Variants in PAK2 observed in about 807,000 individuals in gnomAD.
PAK2 encodes the protein p21 (RAC1) activated kinase 2, also known as serine/threonine-protein kinase PAK 2.
PAK2 carries 21 observed loss-of-function variants against 65.9 expected under a neutral mutation model. The observed-to-expected ratio is 0.32, with a 90% CI of 0.23 to 0.46. The LOEUF (loss-of-function observed/expected upper bound fraction) is 0.46. Among genes scored for constraint, PAK2 ranks in the 20% least tolerant of loss-of-function variants. The probability of loss-of-function intolerance (pLI) is 1.00; values close to 1 mark genes in which losing one functional copy is unlikely to be tolerated. For synonymous variants in PAK2, 204 were observed against 219.7 expected, an observed-to-expected ratio of 0.93 and a Z score of 0.63; for missense variants, 324 against 642.6, an observed-to-expected ratio of 0.50 and a Z score of 5.36.
intron 7 of PAK2, among the ~76,000 whole-genome samples, chr3:196,808,866 A>G (rs181176394): frequency 6.6e-6 from 1 of 152,144 alleles, no homozygotes; most frequent in East Asian, 1.9e-4. Context: ...GTCTCAAAAA[A>G]TAATAATAAA....
intron 1 of PAK2, among the ~76,000 whole-genome samples, chr3:196,750,390 G>C (rs897404101): frequency 6.6e-6 from 1 of 151,940 alleles, no homozygotes; most frequent in African/African-American, 2.4e-5. Context: ...CTAAGTCTGT[G>C]GTTTAAGTTC....
chr3:196,793,372 C>G (rs1406741655), intron 2 of PAK2, among the ~76,000 whole-genome samples: 1 of 152,122 alleles, frequency 6.6e-6, no homozygotes, highest in East Asian at 1.9e-4. Flanking sequence ...CTCACAGCCT[C>G]AGACAGGAGA....
intron 1 of PAK2, among the ~76,000 whole-genome samples, chr3:196,775,320 TGAGTATGTACAGAACATAA>T (rs1577713511): frequency 6.6e-6 from 1 of 152,214 alleles, no homozygotes; most frequent in East Asian, 1.9e-4. Context: ...TCTATTAGAC[TGAGTATGTACAGAACATAA>T]GTTACTGCAT....
Position 196,803,249 on chromosome 3 carries a change from C to T in PAK2, c.436+85C>T, listed in dbSNP as rs1357513325. On this transcript the variant is annotated intron_variant, in intron 4 of 14. Transcript: ENST00000327134. The stretch of plus-strand genomic sequence containing the variant: ...AGATTACTCCTGGAAAAATGAAAAG[C>T]TAAACTATGGTTCTTGTTGATAACG... 4.5e-6 allele frequency: 5 copies of T among 1,103,818 alleles called. No individual in the cohort carries two copies. The African/African-American group carries it at 8.0e-5, about 18-fold the overall frequency. The allele number at this position is 1,103,818 out of a possible 1,614,324, so 68.4% of individuals were successfully genotyped here.
chr3:196,809,801 T>C (rs1444782521), intron 7 of PAK2, among the ~76,000 whole-genome samples: 1 of 152,082 alleles, frequency 6.6e-6, no homozygotes, highest in African/African-American at 2.4e-5. Flanking sequence ...TGAGGTTGGG[T>C]ACCTACATAA....
rs777122366 is a variant in PAK2, at chr3:196,759,857, GTTA to G, written c.-22+19702_-22+19704del. Among the ~76,000 whole-genome samples the G allele has an allele frequency of 3.3e-5, 5 of 151,968 alleles. No individual in the cohort carries two copies. In the East Asian group the frequency reaches 5.8e-4, roughly 18 times the overall value. On this transcript the variant is annotated intron_variant, in intron 1 of 14. Coordinates refer to ENST00000327134, the MANE Select transcript of PAK2 (RefSeq NM_002577.4). ...TGGGTTTTTTAAGTGTGCTCACAAA[GTTA>G]TACAGCCGTCCCCACTATCTAATTA...
chr3:196,778,271 C>G (rs560215051), intron 1 of PAK2, among the ~76,000 whole-genome samples: 32 of 152,138 alleles, frequency 2.1e-4, no homozygotes, highest in Non-Finnish European at 3.8e-4. Flanking sequence ...GGATACACCA[C>G]GTTTTGTGTA....
chr3:196,803,516 T>C (rs1361213400), intron 4 of PAK2, among the ~76,000 whole-genome samples: 1 of 152,190 alleles, frequency 6.6e-6, no homozygotes, highest in Non-Finnish European at 1.5e-5. Flanking sequence ...TTGATAGACA[T>C]GTTCATACTA....
intron 2 of PAK2, among the ~76,000 whole-genome samples, chr3:196,783,759 C>A (rs1374356655): frequency 6.6e-6 from 1 of 152,102 alleles, no homozygotes; most frequent in African/African-American, 2.4e-5. Context: ...TATAACATAT[C>A]TAGTCACCCT....
chr3:196,793,735 GA>G (rs1715153091), intron 2 of PAK2, among the ~76,000 whole-genome samples: 1 of 152,150 alleles, frequency 6.6e-6, no homozygotes, highest in African/African-American at 2.4e-5. Flanking sequence ...CGCAGAGAAA[GA>G]ATGATCAGAG....
intron 1 of PAK2, among the ~76,000 whole-genome samples, chr3:196,758,648 A>C (rs1011369700): frequency 3.9e-5 from 6 of 152,028 alleles, no homozygotes; most frequent in African/African-American, 1.2e-4. Flanking sequence ...TTTTTATTTT[A>C]TTTTATTTTA....
chr3:196,750,048 A>G (rs1263694877), intron 1 of PAK2, among the ~76,000 whole-genome samples: 2 of 148,174 alleles, frequency 1.3e-5, no homozygotes, highest in East Asian at 2.0e-4. Flanking sequence ...GTGCAATGGC[A>G]TGATCTGGGC....
chr3:196,827,420 T>G, intron 14 of PAK2, 87 bp downstream of exon 14: 1 of 1,532,596 alleles, frequency 6.5e-7, no homozygotes, highest in Admixed American at 2.1e-5. Flanking sequence ...TAAGTAGATT[T>G]CACTACTCAT....
In PAK2 at chr3:196,762,175, G is replaced by A. The variant is rs547834993; in HGVS notation, c.-21-20451G>A. 2.2e-5 allele frequency among the ~76,000 whole-genome samples: 2 copies of A among 91,608 alleles called. 1 individual carries two copies. The highest frequency in any genetic ancestry group is 2.1e-4 in the Admixed American group (2 of 9,572). 60.1% of individuals were successfully genotyped at this position (91,608 alleles called of 152,430 possible). A position where few individuals can be genotyped will look rare whatever the true frequency, so the allele number is the denominator to read the frequency against. ...AGAGACGCTCCTCACTTCCTAGATG[G>A]GATGGTGGCCGGGCGCAGACGCTCC... On this transcript the variant is annotated intron_variant, in intron 1 of 14. Coordinates refer to ENST00000327134, the MANE Select transcript of PAK2 (RefSeq NM_002577.4).
intron 4 of PAK2, among the ~76,000 whole-genome samples, chr3:196,804,806 GATATATATATATATATATACAC>G (rs1324093096): frequency 3.5e-5 from 5 of 142,554 alleles, no homozygotes; most frequent in South Asian, 2.3e-4. Context: ...GTGTGTGTGT[GATATATATATATATATATACAC>G]ATATATATAT....
chr3:196,807,015 A>G (rs975172801), intron 6 of PAK2, among the ~76,000 whole-genome samples: 57 of 152,304 alleles, frequency 3.7e-4, no homozygotes, highest in African/African-American at 1.3e-3. Flanking sequence ...TCTAAAACTT[A>G]GAGCTTTCCT....
At chr3:196,808,557 C>CAAAAAAAAAAAAAAAAAAAAAAAAAAAAA (rs1208200034) in intron 7 of PAK2, among the ~76,000 whole-genome samples, 1 of 56,582 alleles carries the variant, frequency 1.8e-5, no homozygotes, top group African/African-American at 6.7e-5. Context: ...GACTCCATCT[C>CAAAAAAAAAAAAAAAAAAAAAAAAAAAAA]AAAAAAAAAA....
chr3:196,776,598 C>T lies in PAK2; in HGVS notation c.-21-6028C>T, dbSNP rs563351083. On this transcript the variant is annotated intron_variant, in intron 1 of 14. Transcript: ENST00000327134. The stretch of plus-strand genomic sequence containing the variant: ...TATGTTGATTTTAGCAGTTTCTCAG[C>T]GCTTGACTTACTCTGATGACATAGA... Among the ~76,000 whole-genome samples the T allele has an allele frequency of 1.1e-4, 17 of 152,224 alleles. No homozygotes were observed. In the South Asian group the frequency reaches 2.7e-3, roughly 24 times the overall value.
intron 6 of PAK2, among the ~76,000 whole-genome samples, chr3:196,807,320 T>C (rs1327011982): frequency 6.6e-6 from 1 of 152,174 alleles, no homozygotes; most frequent in Admixed American, 6.6e-5. Flanking sequence ...GGCAGAGGAC[T>C]CCGTTTTCTT....
Sources: gnomAD v4.1 joint callset for allele counts (sites outside exome capture counted in the v4.1 genomes callset) on GRCh38, gnomAD v4.1.1 for gene constraint, MANE v1.5 for transcripts, NCBI Gene and HGNC (gene_info 2026-07-23, HGNC 2026-07-21) for gene names.